GUCA1C: variants seen among roughly 807,000 people sequenced by gnomAD.
GUCA1C encodes guanylate cyclase activator 1C, also known as guanylyl cyclase-activating protein 3.
A neutral mutation model predicts 16.2 loss-of-function variants in GUCA1C; 15 were observed. The ratio of observed to expected loss-of-function variants is 0.93; its 90% CI spans 0.62 to 1.43. The LOEUF (loss-of-function observed/expected upper bound fraction) is 1.43. Ranked by LOEUF, GUCA1C falls within the 40% of genes most tolerant of loss-of-function variation. GUCA1C has a pLI of 0.00. For missense variants in GUCA1C, 275 were observed against 244.8 expected, an observed-to-expected ratio of 1.12 and a Z score of -0.82; for synonymous variants, 78 against 85.4, an observed-to-expected ratio of 0.91 and a Z score of 0.48.
chr3:108,938,677 G>A (rs576392083), intron 1 of GUCA1C, among the ~76,000 whole-genome samples: 111 of 152,338 alleles, frequency 7.3e-4, no homozygotes, highest in African/African-American at 2.4e-3. Context: ...TTGCTGGAAC[G>A]TCCTGATGAG....
chr3:108,938,007 T>C (rs1946745839), intron 1 of GUCA1C, among the ~76,000 whole-genome samples: 2 of 151,680 alleles, frequency 1.3e-5, no homozygotes, highest in South Asian at 4.2e-4. Context: ...GAGGCGGAGG[T>C]TGCAGTGAGC....
intron 3 of GUCA1C, 46 bp downstream of exon 3, chr3:108,916,081 T>C: frequency 1.2e-6 from 2 of 1,609,714 alleles, no homozygotes; most frequent in Non-Finnish European, 1.7e-6. Flanking sequence ...TACCACCATC[T>C]CCTACTTTGT....
chr3:108,937,184 G>T lies in GUCA1C; in HGVS notation c.204+16375C>A, dbSNP rs578054691. Among the ~76,000 whole-genome samples the T allele has an allele frequency of 2.6e-5, 4 of 152,258 alleles. No individual in the cohort carries two copies. The East Asian group carries it at 7.7e-4, about 29-fold the overall frequency. On this transcript the variant is annotated intron_variant, in intron 1 of 3. Coordinates refer to ENST00000261047, the MANE Select transcript of GUCA1C (RefSeq NM_005459.4). ...GGCCAGGAATCCACAGCTGGCTTTT[G>T]CTGTGCAGTCTGTCTTTGCTTTGAT...
chr3:108,910,029 G>A (rs376294341), intron 3 of GUCA1C, among the ~76,000 whole-genome samples: 2 of 152,314 alleles, frequency 1.3e-5, no homozygotes, highest in South Asian at 2.1e-4. Context: ...AATATGGTAG[G>A]TGCTCAGAAG....
At chr3:108,923,298 C>T (rs138122742) in intron 1 of GUCA1C, among the ~76,000 whole-genome samples, 181 of 152,248 alleles carry the variant, frequency 1.2e-3, no homozygotes, top group Middle Eastern at 0.01. Flanking sequence ...TTTATGGTTT[C>T]GGATCTTTGA....
intron 1 of GUCA1C, among the ~76,000 whole-genome samples, chr3:108,939,147 C>T (rs1946758969): frequency 6.6e-6 from 1 of 151,924 alleles, no homozygotes; most frequent in African/African-American, 2.4e-5. Context: ...TAAAATAAAA[C>T]CCAGCTTCAC....
At chr3:108,946,825 T>C (rs954852798) in intron 1 of GUCA1C, among the ~76,000 whole-genome samples, 3 of 149,536 alleles carry the variant, frequency 2.0e-5, no homozygotes, top group African/African-American at 7.4e-5. Context: ...AAATGAAGAC[T>C]TGAGAGTCAT....
chr3:108,920,660 C>T (rs994684931), intron 1 of GUCA1C, 75 bp from the exon 2 acceptor site: 16 of 784,688 alleles, frequency 2.0e-5, no homozygotes, highest in Middle Eastern at 3.7e-4. Flanking sequence ...ACTCAGCATT[C>T]GTGAGCAGGG....
chr3:108,944,208 AAAG>A (rs1481126272), intron 1 of GUCA1C, among the ~76,000 whole-genome samples: 1 of 152,126 alleles, frequency 6.6e-6, no homozygotes, highest in Non-Finnish European at 1.5e-5. Flanking sequence ...AATGGAAAGG[AAAG>A]AAGTGCATAT....
At chr3:108,920,607 G>A in intron 1 of GUCA1C, 22 bp from the exon 2 acceptor site, 2 of 1,327,306 alleles carry the variant, frequency 1.5e-6, no homozygotes, top group East Asian at 2.3e-5. Flanking sequence ...AAGATGAAAA[G>A]AGAAATAAAT....
chr3:108,949,956 C>T (rs1015746639), intron 1 of GUCA1C, among the ~76,000 whole-genome samples: 1 of 152,162 alleles, frequency 6.6e-6, no homozygotes, highest in African/African-American at 2.4e-5. Flanking sequence ...TAACCATAGT[C>T]ACCATGCTAT....
At chr3:108,924,318 T>C (rs750383181) in intron 1 of GUCA1C, among the ~76,000 whole-genome samples, 1 of 152,190 alleles carries the variant, frequency 6.6e-6, no homozygotes. Context: ...GTATGTCCCT[T>C]CTATACCAAT....
chr3:108,922,202 CATAT>C lies in GUCA1C; in HGVS notation c.205-1621_205-1618del, dbSNP rs56925898. On this transcript the variant is annotated intron_variant, in intron 1 of 3. Coordinates refer to ENST00000261047, the MANE Select transcript of GUCA1C (RefSeq NM_005459.4). ...ACACACACACACACACACACACACA[CATAT>C]ATATATGGATAATTTTCTTTATCCA... 9.7e-4 allele frequency among the ~76,000 whole-genome samples: 43 copies of C among 44,376 alleles called. 1 individual carries two copies. Among genetic ancestry groups the C allele is most frequent in the African/African-American group, 2.6e-3 (40 of 15,106 alleles). The allele number at this position is 44,376 out of a possible 152,430, so 29.1% of individuals were successfully genotyped here.
intron 3 of GUCA1C, among the ~76,000 whole-genome samples, chr3:108,908,807 A>T (rs1475723555): frequency 1.3e-5 from 2 of 152,172 alleles, no homozygotes; most frequent in African/African-American, 4.8e-5. Context: ...CCTTATATCC[A>T]TGTGTCCTGG....
chr3:108,949,062 G>A (rs141852413), intron 1 of GUCA1C, among the ~76,000 whole-genome samples: 4,444 of 152,112 alleles, frequency 0.029, 199 homozygotes, highest in African/African-American at 0.099. Context: ...TGGCCAGGCC[G>A]GTCTCGAACT....
intron 1 of GUCA1C, among the ~76,000 whole-genome samples, chr3:108,950,232 T>C (rs910587741): frequency 6.6e-6 from 1 of 152,236 alleles, no homozygotes; most frequent in Admixed American, 6.5e-5. Flanking sequence ...TCCCTGTTTT[T>C]TTAAGGCTGA....
At chr3:108,951,516 T>C (rs1301916868) in intron 1 of GUCA1C, among the ~76,000 whole-genome samples, 1 of 152,054 alleles carries the variant, frequency 6.6e-6, no homozygotes, top group Admixed American at 6.6e-5. Context: ...AAATAGTAAA[T>C]CTTTGGGGAT....
At chr3:108,950,213 G>T (rs957645930) in intron 1 of GUCA1C, among the ~76,000 whole-genome samples, 1 of 152,202 alleles carries the variant, frequency 6.6e-6, no homozygotes, top group East Asian at 1.9e-4. Context: ...TGCTGGAAAT[G>T]ACAGGATTTC....
chr3:108,944,663 T>C (rs182534801), intron 1 of GUCA1C, among the ~76,000 whole-genome samples: 127 of 152,310 alleles, frequency 8.3e-4, no homozygotes, highest in African/African-American at 2.9e-3. Flanking sequence ...TTGCTGGCTC[T>C]GGGCAGCTTG....
Sources: allele counts gnomAD v4.1 joint callset (sites outside exome capture counted in the v4.1 genomes callset), GRCh38; gene constraint gnomAD v4.1.1; transcripts MANE v1.5; gene names NCBI Gene and HGNC (gene_info 2026-07-23, HGNC 2026-07-21).